The following RFX3 variants were observed in gnomAD, a reference collection of about 807,000 sequenced individuals.
The protein encoded by RFX3 is regulatory factor X3.
In RFX3, 14 loss-of-function variants were observed where a neutral mutation model predicts 98.6. The observed-to-expected ratio is 0.14, with a 90% CI of 0.09 to 0.22. The LOEUF (loss-of-function observed/expected upper bound fraction) is 0.22. RFX3 is among the 10% of genes least tolerant of loss of function. The pLI, the probability that RFX3 is intolerant of heterozygous loss-of-function variation, is 1.00. For missense variants in RFX3, 639 were observed against 926.9 expected, an observed-to-expected ratio of 0.69 and a Z score of 4.03; for synonymous variants, 383 against 328.4, an observed-to-expected ratio of 1.17 and a Z score of -1.80.
At chr9:3,331,574 T>C (rs1319900184) in intron 3 of RFX3, among the ~76,000 whole-genome samples, 1 of 152,176 alleles carries the variant, frequency 6.6e-6, no homozygotes, top group Non-Finnish European at 1.5e-5. Context: ...CTGTCTTATA[T>C]ATATCTTAAA....
chr9:3,449,906 G>C lies in RFX3; in HGVS notation c.-8-54310C>G, dbSNP rs577535237. On this transcript the variant is annotated intron_variant, in intron 1 of 16. Coordinates refer to ENST00000617270, the MANE Select transcript of RFX3 (RefSeq NM_001282116.2). ...GAAAAGAAAAAAAAAAAAAACCTAAGACACAGAAAATTAAAATAGTTTAGG... is the reference window on the plus strand; with the variant it reads ...GAAAAGAAAAAAAAAAAAAACCTAACACACAGAAAATTAAAATAGTTTAGG... Among the ~76,000 whole-genome samples the C allele has an allele frequency of 2.0e-5, 3 of 149,268 alleles. No homozygotes were observed. The South Asian group carries it at 6.4e-4, about 32-fold the overall frequency.
chr9:3,485,642 T>C (rs1470224131), intron 1 of RFX3, among the ~76,000 whole-genome samples: 1 of 152,208 alleles, frequency 6.6e-6, no homozygotes, highest in African/African-American at 2.4e-5. Context: ...CTGTCTATAA[T>C]CCCAAATTTG....
chr9:3,512,057 T>A (rs7871145), intron 1 of RFX3, among the ~76,000 whole-genome samples: 16 of 151,976 alleles, frequency 1.1e-4, no homozygotes, highest in Admixed American at 4.6e-4. Flanking sequence ...GAAATATCCC[T>A]TAAATATATA....
chr9:3,360,627 T>C (rs1049795500), intron 2 of RFX3, among the ~76,000 whole-genome samples: 6 of 152,172 alleles, frequency 3.9e-5, no homozygotes, highest in African/African-American at 1.4e-4. Context: ...TTTAAATATA[T>C]GGAAGCACCT....
In RFX3 at chr9:3,381,149, T is replaced by C. The variant is rs143922049; in HGVS notation, c.117+14323A>G. Among the ~76,000 whole-genome samples, 137 of 151,980 alleles carry C rather than the reference T, an allele frequency of 9.0e-4. No individual in the cohort carries two copies. In the Middle Eastern group the frequency reaches 0.01, roughly 11 times the overall value. ...ACTGCCTACCAAATCAATGAACCCA[T>C]AGGCAACAAACCCTCAAAGTCAAGG... On this transcript the variant is annotated intron_variant, in intron 2 of 16. Coordinates refer to ENST00000617270, the MANE Select transcript of RFX3 (RefSeq NM_001282116.2).
chr9:3,330,376 C>G lies in RFX3; in HGVS notation c.357G>C (p.Gln119His). ...SHSMVGTGGI[Q>H]MGVTGGQLIS... ...TGAGTTGTCCTCCTGTGACGCCCAT[C>G]TGAATCCCACCAGTGCCCACCATAC... is the stretch of plus-strand genomic sequence containing the variant. Residue 119 changes from glutamine (Q) to histidine (H), a missense_variant, in exon 4 of 17, where the codon CAG (glutamine) becomes CAC (histidine). Coordinates refer to ENST00000617270, the MANE Select transcript of RFX3 (RefSeq NM_001282116.2). The G allele has an allele frequency of 6.2e-7, 1 of 1,614,154 alleles. No homozygotes were observed. Among genetic ancestry groups the G allele is most frequent in the Non-Finnish European group, 8.5e-7 (1 of 1,180,022 alleles).
At chr9:3,278,485 T>C (rs978505536) in intron 7 of RFX3, among the ~76,000 whole-genome samples, 8 of 151,844 alleles carry the variant, frequency 5.3e-5, no homozygotes, top group African/African-American at 1.9e-4. Context: ...CAAACTAGTA[T>C]TCTCACCATC....
intron 1 of RFX3, among the ~76,000 whole-genome samples, chr9:3,485,205 T>C (rs554769882): frequency 2.0e-4 from 31 of 152,330 alleles, no homozygotes; most frequent in African/African-American, 7.5e-4. Flanking sequence ...TGGAGTTAAA[T>C]CTGCCCCTAT....
At chr9:3,394,036 G>C (rs1459660905) in intron 2 of RFX3, among the ~76,000 whole-genome samples, 1 of 152,144 alleles carries the variant, frequency 6.6e-6, no homozygotes, top group Non-Finnish European at 1.5e-5. Flanking sequence ...GCAATAGATT[G>C]AAACATGTAA....
At chr9:3,274,799 C>T (rs1250561524) in intron 9 of RFX3, among the ~76,000 whole-genome samples, 3 of 152,010 alleles carry the variant, frequency 2.0e-5, no homozygotes, top group Non-Finnish European at 4.4e-5. Context: ...TTCACAAAGG[C>T]AACCACTGTT....
intron 1 of RFX3, among the ~76,000 whole-genome samples, chr9:3,422,209 C>T (rs1843506782): frequency 6.6e-6 from 1 of 152,160 alleles, no homozygotes; most frequent in Non-Finnish European, 1.5e-5. Flanking sequence ...TGAACATTAT[C>T]CCACTCACCC....
chr9:3,333,119 G>C (rs1232730572), intron 3 of RFX3, among the ~76,000 whole-genome samples: 1 of 152,054 alleles, frequency 6.6e-6, no homozygotes, highest in Non-Finnish European at 1.5e-5. Context: ...ACACTAATCA[G>C]TCAGCAAATA....
intron 13 of RFX3, among the ~76,000 whole-genome samples, chr9:3,258,775 C>A (rs573657565): frequency 6.6e-6 from 1 of 151,612 alleles, no homozygotes; most frequent in South Asian, 2.1e-4. Flanking sequence ...TTTTCACATG[C>A]ATATAGAAAT....
At chr9:3,385,062 G>C (rs2131764833) in intron 2 of RFX3, among the ~76,000 whole-genome samples, 1 of 152,270 alleles carries the variant, frequency 6.6e-6, no homozygotes, top group Non-Finnish European at 1.5e-5. Context: ...AACAGACTCA[G>C]CTATACATTG....
intron 2 of RFX3, among the ~76,000 whole-genome samples, chr9:3,368,632 A>C (rs1240538284): frequency 6.6e-6 from 1 of 152,208 alleles, no homozygotes; most frequent in Non-Finnish European, 1.5e-5. Flanking sequence ...TAGTAAACAA[A>C]AGATATTATT....
intron 1 of RFX3, among the ~76,000 whole-genome samples, chr9:3,406,058 G>C (rs1189637124): frequency 6.6e-6 from 1 of 152,064 alleles, no homozygotes; most frequent in Admixed American, 6.6e-5. Context: ...CCAGTCCCTG[G>C]TGATCCTCCC....
intron 2 of RFX3, among the ~76,000 whole-genome samples, chr9:3,349,525 T>C (rs1379196793): frequency 1.3e-5 from 2 of 152,076 alleles, no homozygotes; most frequent in African/African-American, 4.8e-5. Flanking sequence ...AAACAGGCAA[T>C]ATATTTGGAC....
chr9:3,434,953 T>C (rs1029390089), intron 1 of RFX3, among the ~76,000 whole-genome samples: 1 of 152,014 alleles, frequency 6.6e-6, no homozygotes, highest in Non-Finnish European at 1.5e-5. Context: ...TATGTTACTG[T>C]GCTGAATATT....
chr9:3,415,774 T>G (rs943701623), intron 1 of RFX3, among the ~76,000 whole-genome samples: 1 of 152,184 alleles, frequency 6.6e-6, no homozygotes, highest in Admixed American at 6.5e-5. Flanking sequence ...TAATATGAAC[T>G]GCCTCTTTGC....
Sources: allele counts gnomAD v4.1 joint callset (sites outside exome capture counted in the v4.1 genomes callset), GRCh38; gene constraint gnomAD v4.1.1; transcripts MANE v1.5; gene names NCBI Gene and HGNC (gene_info 2026-07-23, HGNC 2026-07-21).